Variants in KCNQ1OT1 observed in about 807,000 individuals in gnomAD.
KCNQ1OT1 encodes KCNQ1 opposite strand/antisense transcript 1.
chr11:2,671,628 A>G lies in KCNQ1OT1; in HGVS notation n.28367T>C, dbSNP rs1340752050. ...CCCTAAGTATAAACCTTGCCACAGC[A>G]GTGTCCTGTGGTGCCCTGCTGGGGA... On this transcript the variant is annotated non_coding_transcript_exon_variant, in exon 1 of 1. Transcript: ENST00000597346. The surrounding 1 kb of genome is among the most constrained non-coding windows in gnomAD (Gnocchi z 4.7). The G allele has an allele frequency of 2.5e-6, 1 of 398,588 alleles. No individual in the cohort carries two copies. The highest frequency in any genetic ancestry group is 3.6e-5 in the East Asian group (1 of 28,056). 24.7% of individuals were successfully genotyped at this position (398,588 alleles called of 1,614,324 possible).
In KCNQ1OT1 at chr11:2,669,297, C is replaced by T. The variant is rs1850139959; in HGVS notation, n.30698G>A. 1.0e-5 allele frequency: 4 copies of T among 398,560 alleles called. No homozygotes were observed. In the South Asian group the frequency reaches 3.8e-4, roughly 38 times the overall value. 24.7% of individuals were successfully genotyped at this position (398,560 alleles called of 1,614,324 possible). ...CTTTGCAGGGTTTCTCCTCACCATA[C>T]ATATGCCAGTTGCCATGGAAAGCCT... On this transcript the variant is annotated non_coding_transcript_exon_variant, in exon 1 of 1. Transcript: ENST00000597346. This position sits in a 1 kb window ranked among gnomAD's most constrained non-coding sequence, Gnocchi z 5.6.
chr11:2,615,169 T>G (rs1459030802), exon 1 of KCNQ1OT1: 3 of 398,142 alleles, frequency 7.5e-6, no homozygotes, highest in Non-Finnish European at 1.3e-5. Flanking sequence ...GTAAGTGGAA[T>G]TTTAAAAATT....
chr11:2,666,754 C>T (rs1046868358), exon 1 of KCNQ1OT1: 1 of 398,782 alleles, frequency 2.5e-6, no homozygotes, highest in Non-Finnish European at 4.4e-6. Flanking sequence ...GGCACTGCAG[C>T]TCTGTGAGTG....
At chr11:2,694,026 CA>C (rs1265493922) in exon 1 of KCNQ1OT1, 15 of 398,622 alleles carry the variant, frequency 3.8e-5, no homozygotes, top group African/African-American at 3.1e-4. Context: ...GGTCAAGCCA[CA>C]GGTGCCCATG....
chr11:2,654,204 G>A lies in KCNQ1OT1; in HGVS notation n.45791C>T, dbSNP rs769601679. 15 of 398,676 alleles carry A rather than the reference G, an allele frequency of 3.8e-5. No homozygotes were observed. The highest frequency in any genetic ancestry group is 6.6e-5 in the Non-Finnish European group (15 of 226,244). 24.7% of individuals were successfully genotyped at this position (398,676 alleles called of 1,614,324 possible). ...TGGGGCTGCGGCTCAGCAATGTCACGCAGGGCCTGGCTGCAGCTGTCCGGA... is the reference window on the plus strand; with the variant it reads ...TGGGGCTGCGGCTCAGCAATGTCACACAGGGCCTGGCTGCAGCTGTCCGGA... On this transcript the variant is annotated non_coding_transcript_exon_variant, in exon 1 of 1. Coordinates refer to ENST00000597346, the Ensembl canonical transcript of KCNQ1OT1. This position sits in a 1 kb window ranked among gnomAD's most constrained non-coding sequence, Gnocchi z 6.4.
At chr11:2,655,917 G>T (rs1268845527) in exon 1 of KCNQ1OT1, 6 of 398,548 alleles carry the variant, frequency 1.5e-5, no homozygotes, top group Non-Finnish European at 4.4e-6. Context: ...CCGTTCCCAG[G>T]ATTAAACCAA....
At position 2,690,082 on chromosome 11, in the gene KCNQ1OT1, A is replaced by G; in HGVS notation, n.9913T>C. ...GCCTGCTTCTGTCTGGGCTGAAGGCACAGCAGGGACAATCGCTCTTCCGGG... is the reference window on the plus strand; with the variant it reads ...GCCTGCTTCTGTCTGGGCTGAAGGCGCAGCAGGGACAATCGCTCTTCCGGG... On this transcript the variant is annotated non_coding_transcript_exon_variant, in exon 1 of 1. Coordinates refer to ENST00000597346, the Ensembl canonical transcript of KCNQ1OT1. The surrounding 1 kb of genome is among the most constrained non-coding windows in gnomAD (Gnocchi z 5.1). 2.5e-6 allele frequency: 1 copy of G among 398,832 alleles called. No individual in the cohort carries two copies. Among genetic ancestry groups the G allele is most frequent in the East Asian group, 3.6e-5 (1 of 28,076 alleles). The allele number at this position is 398,832 out of a possible 1,614,324, so 24.7% of individuals were successfully genotyped here. A position where few individuals can be genotyped will look rare whatever the true frequency, so the allele number is the denominator to read the frequency against.
rs775528048 is a variant in KCNQ1OT1 at position 2,699,000 on chromosome 11, G to A, written n.995C>T. ...GGATTCCCACCTCCGATCCTAATTC[G>A]GGCCCTGACTCAGAACCACTAAGTG... On this transcript the variant is annotated non_coding_transcript_exon_variant, in exon 1 of 1. Coordinates refer to ENST00000597346, the Ensembl canonical transcript of KCNQ1OT1. This position sits in a 1 kb window ranked among gnomAD's most constrained non-coding sequence, Gnocchi z 5.1. 23 of 398,402 alleles carry A rather than the reference G, an allele frequency of 5.8e-5. No homozygotes were observed. The highest frequency in any genetic ancestry group is 2.9e-4 in the African/African-American group (14 of 48,592). The allele number at this position is 398,402 out of a possible 1,614,324, so 24.7% of individuals were successfully genotyped here.
exon 1 of KCNQ1OT1, chr11:2,655,661 A>G (rs1185538128): frequency 7.5e-6 from 3 of 398,308 alleles, no homozygotes; most frequent in African/African-American, 2.1e-5. Flanking sequence ...GTGTGTCTGG[A>G]AAGAGCTGAA....
At chr11:2,614,928 A>G (rs1733225339) in exon 1 of KCNQ1OT1, 10 of 398,354 alleles carry the variant, frequency 2.5e-5, no homozygotes, top group East Asian at 1.8e-4. Context: ...TTCTGCAAAT[A>G]AAAAGGCCCT....
At chr11:2,649,034 G>A (rs1590004538) in exon 1 of KCNQ1OT1, 1 of 338,024 alleles carries the variant, frequency 3.0e-6, no homozygotes. Flanking sequence ...GTCTACTCCT[G>A]CATGCTTTTG....
exon 1 of KCNQ1OT1, chr11:2,667,617 A>T (rs922697438): frequency 5.0e-6 from 2 of 398,436 alleles, no homozygotes; most frequent in African/African-American, 4.1e-5. Flanking sequence ...TCCCATATAG[A>T]TCTCTTGTGT....
chr11:2,610,438 A>G (rs946318440), exon 1 of KCNQ1OT1: 3 of 398,284 alleles, frequency 7.5e-6, no homozygotes, highest in Non-Finnish European at 1.3e-5. Context: ...CTTATATCAT[A>G]TATTTGATCC....
In KCNQ1OT1 at chr11:2,665,319, G is replaced by A. The variant is rs1850046786; in HGVS notation, n.34676C>T. 5 of 398,188 alleles carry A rather than the reference G, an allele frequency of 1.3e-5. No individual in the cohort carries two copies. In the South Asian group the frequency reaches 6.4e-4, roughly 51 times the overall value. 24.7% of individuals were successfully genotyped at this position (398,188 alleles called of 1,614,324 possible). A position where few individuals can be genotyped will look rare whatever the true frequency, so the allele number is the denominator to read the frequency against. ...TGACAGGGCTTCTGAGAGAAAGGTG[G>A]GAAGTAGAGACTGTAGGCCTGCATG... is the stretch of plus-strand genomic sequence containing the variant. On this transcript the variant is annotated non_coding_transcript_exon_variant, in exon 1 of 1. Transcript: ENST00000597346.
exon 1 of KCNQ1OT1, chr11:2,625,817 C>A (rs574213495): frequency 2.5e-6 from 1 of 398,358 alleles, no homozygotes; most frequent in African/African-American, 2.1e-5. Flanking sequence ...GATCCTCCCG[C>A]CTCAGCCTCC....
Position 2,659,628 on chromosome 11 carries a change from A to G in KCNQ1OT1, n.40367T>C. On this transcript the variant is annotated non_coding_transcript_exon_variant, in exon 1 of 1. Coordinates refer to ENST00000597346, the Ensembl canonical transcript of KCNQ1OT1. This position sits in a 1 kb window ranked among gnomAD's most constrained non-coding sequence, Gnocchi z 4.3. ...TCACTTGGGTGGGAAAGGAACCGAT[A>G]GGTCATGTGGTATGTGTATGTTTAA... 2.5e-6 allele frequency: 1 copy of G among 398,560 alleles called. No individual in the cohort carries two copies. The highest frequency in any genetic ancestry group is 4.4e-6 in the Non-Finnish European group (1 of 226,022). 24.7% of individuals were successfully genotyped at this position (398,560 alleles called of 1,614,324 possible).
Position 2,659,711 on chromosome 11 carries a change from C to A in KCNQ1OT1, n.40284G>T. ...GTCACTGTGCCATTTTGCATTCCCA[C>A]CAGTAACATATGAGAGTTCTACATG... is the stretch of plus-strand genomic sequence containing the variant. On this transcript the variant is annotated non_coding_transcript_exon_variant, in exon 1 of 1. Coordinates refer to ENST00000597346, the Ensembl canonical transcript of KCNQ1OT1. The surrounding 1 kb of genome is among the most constrained non-coding windows in gnomAD (Gnocchi z 4.3). The A allele has an allele frequency of 2.5e-6, 1 of 398,440 alleles. No individual in the cohort carries two copies. The highest frequency in any genetic ancestry group is 4.4e-6 in the Non-Finnish European group (1 of 226,002). 24.7% of individuals were successfully genotyped at this position (398,440 alleles called of 1,614,324 possible).
exon 1 of KCNQ1OT1, chr11:2,632,550 T>A (rs1399460969): frequency 2.5e-6 from 1 of 398,250 alleles, no homozygotes; most frequent in Non-Finnish European, 4.4e-6. Context: ...CATGTAATAA[T>A]TGTAGATATT....
chr11:2,618,490 G>T, exon 1 of KCNQ1OT1: 1 of 398,540 alleles, frequency 2.5e-6, no homozygotes. Flanking sequence ...TCGTGTTCTT[G>T]TGGAAAATTG....
Sources: allele counts gnomAD v4.1 joint callset, GRCh38; gene constraint gnomAD v4.1.1; non-coding constraint Gnocchi (gnomAD v3.1); transcripts MANE v1.5; gene names NCBI Gene and HGNC (gene_info 2026-07-23, HGNC 2026-07-21).